DCC: variants seen among roughly 807,000 people sequenced by gnomAD.
DCC encodes the protein DCC netrin 1 receptor, also known as netrin receptor DCC.
DCC carries 58 observed loss-of-function variants against 172.5 expected under a neutral mutation model. That is an observed-to-expected ratio of 0.34 (90% CI 0.27 to 0.42). The LOEUF is 0.42. DCC is among the 10% of genes least tolerant of loss of function. DCC has a pLI of 1.00. For missense variants in DCC, 1,740 were observed against 1,791.0 expected (o/e 0.97, Z 0.51); for synonymous variants, 709 against 644.5 (o/e 1.10, Z -1.52).
chr18:53,369,431 A>G (rs1415127544), intron 15 of DCC, among the ~76,000 whole-genome samples: 2 of 151,898 alleles, frequency 1.3e-5, no homozygotes, highest in Non-Finnish European at 2.9e-5. Flanking sequence ...TCTGCAAACA[A>G]TAAAATTTTA....
At chr18:53,382,981 G>A (rs963151435) in intron 15 of DCC, among the ~76,000 whole-genome samples, 1 of 151,902 alleles carries the variant, frequency 6.6e-6, no homozygotes, top group Non-Finnish European at 1.5e-5. Context: ...TTTTTATTTT[G>A]ATATAAAACC....
At chr18:53,195,987 T>G (rs568312423) in intron 9 of DCC, among the ~76,000 whole-genome samples, 2 of 152,194 alleles carry the variant, frequency 1.3e-5, no homozygotes, top group Non-Finnish European at 2.9e-5. Flanking sequence ...GCTGAACACA[T>G]AGAAATTATT....
intron 1 of DCC, among the ~76,000 whole-genome samples, chr18:52,629,607 G>A (rs1468873150): frequency 6.6e-6 from 1 of 152,158 alleles, no homozygotes; most frequent in Admixed American, 6.5e-5. Context: ...CTGAGGTCAG[G>A]AGTTTGAGAC....
intron 1 of DCC, among the ~76,000 whole-genome samples, chr18:52,489,353 T>C (rs1045770074): frequency 4.6e-5 from 7 of 152,124 alleles, no homozygotes; most frequent in Non-Finnish European, 8.8e-5. Context: ...TTTTCTACAA[T>C]TATTATTACA....
intron 1 of DCC, among the ~76,000 whole-genome samples, chr18:52,437,902 G>A (rs968608880): frequency 1.3e-5 from 2 of 152,100 alleles, no homozygotes; most frequent in Non-Finnish European, 2.9e-5. Context: ...AGCTTAAGAG[G>A]TTATCTATTT....
intron 12 of DCC, among the ~76,000 whole-genome samples, chr18:53,238,804 A>C (rs1378402351): frequency 6.6e-6 from 1 of 152,142 alleles, no homozygotes; most frequent in African/African-American, 2.4e-5. Flanking sequence ...TGTATGGGTA[A>C]ATTTTCCTAC....
intron 2 of DCC, among the ~76,000 whole-genome samples, chr18:52,889,609 A>T (rs748385955): frequency 6.6e-6 from 1 of 152,166 alleles, no homozygotes; most frequent in Non-Finnish European, 1.5e-5. Flanking sequence ...AACAGAAGTC[A>T]CTTTACAAAA....
At chr18:52,523,462 G>A (rs909701062) in intron 1 of DCC, among the ~76,000 whole-genome samples, 8 of 152,196 alleles carry the variant, frequency 5.3e-5, no homozygotes, top group Non-Finnish European at 8.8e-5. Flanking sequence ...ATGTAGAAGT[G>A]TGTTTTCACT....
rs533400282 is a variant in DCC at position 53,039,893 on chromosome 18, G to A, written c.986-23412G>A. Among the ~76,000 whole-genome samples the A allele has an allele frequency of 7.2e-5, 11 of 151,932 alleles. No homozygotes were observed. In the South Asian group the frequency reaches 2.3e-3, roughly 32 times the overall value. On this transcript the variant is annotated intron_variant, in intron 5 of 28. Transcript: ENST00000442544. ...AATATGTTCCTTCTTTTTCCTACTG[G>A]AATGTCCATTCCTTGAGGGCATATC...
chr18:52,649,388 AAG>A (rs1555709436), intron 1 of DCC, among the ~76,000 whole-genome samples: 4 of 151,576 alleles, frequency 2.6e-5, no homozygotes, highest in African/African-American at 2.4e-5. Flanking sequence ...AAAAAAAAAA[AAG>A]ATTAACTTTA....
chr18:53,388,001 T>G lies in DCC; in HGVS notation c.2455+1863T>G, dbSNP rs73467293. ...CTGGAGTCATTATCAGCTTCATTCT[T>G]CTTAGCATTTGTTGCATTAATTCTA... On this transcript the variant is annotated intron_variant, in intron 16 of 28. Coordinates refer to ENST00000442544, the MANE Select transcript of DCC (RefSeq NM_005215.4). Among the ~76,000 whole-genome samples the G allele has an allele frequency of 1.5e-3, 234 of 152,336 alleles. 1 individual carries two copies. Among genetic ancestry groups the G allele is most frequent in the African/African-American group, 5.3e-3 (222 of 41,578 alleles).
intron 16 of DCC, among the ~76,000 whole-genome samples, chr18:53,390,019 A>G (rs1258572183): frequency 1.3e-5 from 2 of 152,312 alleles, no homozygotes; most frequent in African/African-American, 4.8e-5. Flanking sequence ...CTAAAACTAG[A>G]AACAAGTAAA....
At chr18:53,509,929 T>G (rs912160341) in intron 27 of DCC, among the ~76,000 whole-genome samples, 7 of 152,238 alleles carry the variant, frequency 4.6e-5, no homozygotes, top group African/African-American at 1.7e-4. Flanking sequence ...TTTATTCATT[T>G]TCATAGAAAC....
intron 10 of DCC, among the ~76,000 whole-genome samples, chr18:53,206,414 CACATATATGTATATATGTATATAT>C (rs1240656198): frequency 3.6e-5 from 2 of 55,688 alleles, no homozygotes; most frequent in Non-Finnish European, 6.1e-5. Flanking sequence ...TGTATTGTAA[CACATATATGTATATATGTATATAT>C]ACATATATGT....
intron 1 of DCC, among the ~76,000 whole-genome samples, chr18:52,380,076 C>A (rs1050377902): frequency 3.3e-5 from 5 of 152,012 alleles, no homozygotes; most frequent in Non-Finnish European, 5.9e-5. Context: ...CGTTTCCACA[C>A]ATGGAAGAAG....
chr18:53,335,723 C>T (rs1166131284), intron 14 of DCC, among the ~76,000 whole-genome samples: 1 of 152,042 alleles, frequency 6.6e-6, no homozygotes, highest in African/African-American at 2.4e-5. Flanking sequence ...TTGTATTAGT[C>T]TGTTTTCATG....
At chr18:53,322,350 A>C (rs572414052) in intron 14 of DCC, among the ~76,000 whole-genome samples, 193 bp downstream of exon 14, 2 of 152,344 alleles carry the variant, frequency 1.3e-5, no homozygotes, top group Non-Finnish European at 2.9e-5. Context: ...ATGCCAGACC[A>C]TGAATGACAT....
In DCC at chr18:53,466,376, T is replaced by C. The variant is rs533147480; in HGVS notation, c.3620-1518T>C. Among the ~76,000 whole-genome samples, 6 of 152,334 alleles carry C rather than the reference T, an allele frequency of 3.9e-5. No homozygotes were observed. The East Asian group carries it at 1.2e-3, about 29-fold the overall frequency. Reference sequence around the variant, plus strand: ...CTCTCTTCTATACAGACTTTCCAGATAGCTGGCTTTTCACAAAGACTTTGT... The same window carrying C: ...CTCTCTTCTATACAGACTTTCCAGACAGCTGGCTTTTCACAAAGACTTTGT... On this transcript the variant is annotated intron_variant, in intron 24 of 28. Transcript: ENST00000442544.
intron 1 of DCC, among the ~76,000 whole-genome samples, chr18:52,446,799 C>G (rs9963527): frequency 4.9e-4 from 74 of 152,348 alleles, no homozygotes; most frequent in African/African-American, 1.7e-3. Flanking sequence ...ACCAGACCCC[C>G]TGGGACTCCT....
Sources: gnomAD v4.1 joint callset for allele counts (sites outside exome capture counted in the v4.1 genomes callset) on GRCh38, gnomAD v4.1.1 for gene constraint, MANE v1.5 for transcripts, NCBI Gene and HGNC (gene_info 2026-07-23, HGNC 2026-07-21) for gene names.